DNTT: variants seen among roughly 807,000 people sequenced by gnomAD.
DNTT encodes DNA nucleotidylexotransferase.
Under a neutral mutation model 60.9 loss-of-function variants are expected in DNTT, and 47 were observed. The observed-to-expected ratio is 0.77, with a 90% CI of 0.61 to 0.98. The LOEUF (loss-of-function observed/expected upper bound fraction) is 0.98, where lower values mean the gene tolerates loss of function less well. Ranked by LOEUF, DNTT falls within the 50% of genes least tolerant of loss-of-function variation. The pLI, the probability that DNTT is intolerant of heterozygous loss-of-function variation, is 0.00. For synonymous variants in DNTT, 224 were observed against 221.2 expected (o/e 1.01, Z -0.11); for missense variants, 665 against 627.5 (o/e 1.06, Z -0.64).
At chr10:96,316,483 C>T (rs1369605892) in intron 1 of DNTT, among the ~76,000 whole-genome samples, 2 of 152,210 alleles carry the variant, frequency 1.3e-5, no homozygotes, top group African/African-American at 2.4e-5. Flanking sequence ...ACTGGCTCCA[C>T]AACCCCAGAA....
Position 96,313,020 on chromosome 10 carries a change from G to A in DNTT, c.204-5332G>A, listed in dbSNP as rs11188703. On this transcript the variant is annotated intron_variant, in intron 1 of 10. Coordinates refer to ENST00000371174, the MANE Select transcript of DNTT (RefSeq NM_004088.4). Reference sequence around the variant, plus strand: ...TGCTCTCAGGGACACCAAGGACCAAGCTGGGCACCTGACAGTCAAGCACTA... The same window carrying A: ...TGCTCTCAGGGACACCAAGGACCAAACTGGGCACCTGACAGTCAAGCACTA... 2.3e-3 allele frequency among the ~76,000 whole-genome samples: 356 copies of A among 152,250 alleles called. 2 individuals carry two copies. The highest frequency in any genetic ancestry group is 8.3e-3 in the African/African-American group (345 of 41,556).
intron 1 of DNTT, among the ~76,000 whole-genome samples, chr10:96,305,296 G>T (rs1844620508): frequency 6.6e-6 from 1 of 152,160 alleles, no homozygotes; most frequent in Non-Finnish European, 1.5e-5. Context: ...TCTGTCCAGG[G>T]ATGACAGACA....
chr10:96,326,858 G>T (rs995059806), intron 6 of DNTT, among the ~76,000 whole-genome samples: 18 of 152,290 alleles, frequency 1.2e-4, no homozygotes, highest in Middle Eastern at 3.4e-3. Context: ...AATCCTTGGA[G>T]ATAAGCCTCC....
chr10:96,320,478 A>G (rs1844855122), intron 3 of DNTT, 140 bp from the exon 4 acceptor site: 1 of 883,482 alleles, frequency 1.1e-6, no homozygotes, highest in Non-Finnish European at 1.7e-6. Flanking sequence ...ATACAAGGGT[A>G]TGGGAGACCC....
chr10:96,336,813 G>A (rs1031109488), intron 10 of DNTT, among the ~76,000 whole-genome samples: 19 of 151,494 alleles, frequency 1.3e-4, no homozygotes, highest in Middle Eastern at 3.2e-3. Flanking sequence ...GTGGCGGCTC[G>A]CACACACCCA....
At chr10:96,305,725 G>A (rs74153629) in intron 1 of DNTT, among the ~76,000 whole-genome samples, 3,472 of 152,294 alleles carry the variant, frequency 0.023, 120 homozygotes, top group African/African-American at 0.075. Context: ...CAGAAGAAAT[G>A]TCAGCTTCCA....
At chr10:96,319,129 G>A (rs1844830081) in intron 2 of DNTT, 133 bp from the exon 3 acceptor site, 2 of 922,666 alleles carry the variant, frequency 2.2e-6, no homozygotes, top group Middle Eastern at 2.7e-4. Flanking sequence ...TATTAGAGAT[G>A]TATATAACAT....
chr10:96,327,034 C>T (rs551910418), intron 6 of DNTT, among the ~76,000 whole-genome samples: 9 of 152,350 alleles, frequency 5.9e-5, no homozygotes, highest in Admixed American at 4.6e-4. Context: ...GCTTCAGACA[C>T]ACATCTACTC....
At chr10:96,317,404 C>G (rs146294687) in intron 1 of DNTT, among the ~76,000 whole-genome samples, 15 of 152,258 alleles carry the variant, frequency 9.9e-5, no homozygotes, top group African/African-American at 3.6e-4. Flanking sequence ...AGAAAAAGAT[C>G]CCTGTCCATG....
Position 96,304,600 on chromosome 10 carries a change from T to C in DNTT, c.103T>C (p.Leu35=). 2 of 1,614,114 alleles carry C rather than the reference T, an allele frequency of 1.2e-6. No homozygotes were observed. The highest frequency in any genetic ancestry group is 2.2e-5 in the South Asian group (2 of 91,072). ...SSPQDIKFQD[L]VVFILEKKMG... is the part of the protein sequence containing the mutation. ...TCCTCAAGACATCAAATTTCAAGAT[T>C]TGGTCGTCTTCATTTTGGAGAAGAA... is the stretch of plus-strand genomic sequence containing the variant. Residue 35 remains leucine, a synonymous_variant, in exon 1 of 11, where the codon TTG becomes CTG. Transcript: ENST00000371174.
intron 6 of DNTT, 40 bp downstream of exon 6, chr10:96,324,429 G>C (rs766451298): frequency 6.2e-7 from 1 of 1,610,098 alleles, no homozygotes. Flanking sequence ...GCTATGGGCT[G>C]GTCGGGTCGT....
At position 96,332,423 on chromosome 10, in the gene DNTT, G is replaced by T. The variant is rs752871188; in HGVS notation, c.1186G>T (p.Ala396Ser). 6.2e-7 allele frequency: 1 copy of T among 1,614,188 alleles called. No homozygotes were observed. The highest frequency in any genetic ancestry group is 1.1e-5 in the South Asian group (1 of 91,076). ...CAGGTTGCCTAGCAGGAAGGTTGATGCTTTGGATCATTTTCAAAAGTGCTT... is the reference window on the plus strand; with the variant it reads ...CAGGTTGCCTAGCAGGAAGGTTGATTCTTTGGATCATTTTCAAAAGTGCTT... ...KLRLPSRKVD[A>S]LDHFQKCFLI... is the part of the protein sequence containing the mutation. Residue 396 changes from alanine to serine, a missense_variant, in exon 9 of 11, where the codon GCT (alanine) becomes TCT (serine). Physicochemically the swap from Ala to Ser is moderately conservative, Grantham distance 99. Transcript: ENST00000371174.
intron 4 of DNTT, among the ~76,000 whole-genome samples, chr10:96,320,998 A>G (rs1240406249): frequency 6.6e-6 from 1 of 152,114 alleles, no homozygotes. Context: ...ACACACACAC[A>G]TACACATATA....
chr10:96,327,687 G>T, intron 7 of DNTT, 87 bp downstream of exon 7: 2 of 1,523,712 alleles, frequency 1.3e-6, no homozygotes, highest in Non-Finnish European at 1.8e-6. Flanking sequence ...GGCACAAAAG[G>T]CTGTGATCTG....
At chr10:96,323,580 G>A (rs1287822367) in intron 5 of DNTT, among the ~76,000 whole-genome samples, 2 of 152,072 alleles carry the variant, frequency 1.3e-5, no homozygotes, top group Non-Finnish European at 2.9e-5. Context: ...ACCATGGGGG[G>A]GTTGGTGGGG....
At chr10:96,334,984 T>C (rs1373618230) in intron 9 of DNTT, among the ~76,000 whole-genome samples, 2 of 152,216 alleles carry the variant, frequency 1.3e-5, no homozygotes, top group African/African-American at 4.8e-5. Flanking sequence ...GCTCTTTTGC[T>C]TTTTAGCTGG....
chr10:96,318,631 C>A, intron 2 of DNTT, 105 bp downstream of exon 2: 1 of 1,385,246 alleles, frequency 7.2e-7, no homozygotes. Context: ...TGCTTACTAC[C>A]TGTGTGACCT....
chr10:96,313,665 C>A (rs771517666), intron 1 of DNTT, among the ~76,000 whole-genome samples: 4 of 152,196 alleles, frequency 2.6e-5, no homozygotes, highest in African/African-American at 7.2e-5. Flanking sequence ...ATGTCATTAT[C>A]ATTATCTTTG....
chr10:96,307,942 T>C (rs911638148), intron 1 of DNTT, among the ~76,000 whole-genome samples: 7 of 151,736 alleles, frequency 4.6e-5, no homozygotes, highest in Admixed American at 6.6e-5. Flanking sequence ...CTAATTTTTG[T>C]AGAGATGGGG....
Sources: gnomAD v4.1 joint callset for allele counts (sites outside exome capture counted in the v4.1 genomes callset) on GRCh38, gnomAD v4.1.1 for gene constraint, MANE v1.5 for transcripts, NCBI Gene and HGNC (gene_info 2026-07-23, HGNC 2026-07-21) for gene names.